The following AGMO variants were observed in gnomAD, a reference collection of about 807,000 sequenced individuals.
AGMO encodes the protein glyceryl-ether monooxygenase.
A neutral mutation model predicts 60.2 loss-of-function variants in AGMO; 75 were observed. That is an observed-to-expected ratio of 1.25 (90% CI 1.03 to 1.51). The LOEUF is 1.51. Among genes scored for constraint, AGMO ranks in the 40% most tolerant of loss-of-function variants. AGMO has a pLI of 0.00. For missense variants in AGMO, 763 were observed against 525.5 expected, an observed-to-expected ratio of 1.45 and a Z score of -4.42; for synonymous variants, 261 against 177.1, an observed-to-expected ratio of 1.47 and a Z score of -3.76.
At chr7:15,452,116 A>T (rs914334968) in intron 3 of AGMO, among the ~76,000 whole-genome samples, 2 of 151,950 alleles carry the variant, frequency 1.3e-5, no homozygotes, top group Admixed American at 6.5e-5. Context: ...CTTTAACAAG[A>T]GATAAAACTA....
In AGMO at chr7:15,332,069, T is replaced by C. The variant is rs141021532; in HGVS notation, c.1263+33445A>G. ...AATGGAGACGAGTGAAATCATAAGA[T>C]GGAAGGAGCCTAGGTACCTAACAGA... is the stretch of plus-strand genomic sequence containing the variant. On this transcript the variant is annotated intron_variant, in intron 12 of 12. Coordinates refer to ENST00000342526, the MANE Select transcript of AGMO (RefSeq NM_001004320.2). Among the ~76,000 whole-genome samples, 539 of 152,206 alleles carry C rather than the reference T, an allele frequency of 3.5e-3. 2 individuals are homozygous for C. The highest frequency in any genetic ancestry group is 0.012 in the African/African-American group (500 of 41,530).
At chr7:15,505,696 T>C (rs1468724791) in intron 3 of AGMO, among the ~76,000 whole-genome samples, 1 of 152,024 alleles carries the variant, frequency 6.6e-6, no homozygotes, top group South Asian at 2.1e-4. Context: ...CAAACTAATG[T>C]TAAATTCCCA....
intron 12 of AGMO, among the ~76,000 whole-genome samples, chr7:15,238,575 A>T (rs946836079): frequency 2.0e-5 from 3 of 150,930 alleles, no homozygotes; most frequent in African/African-American, 7.3e-5. Context: ...AAATAATTTT[A>T]AAAATTTTAA....
chr7:15,254,596 T>C (rs930787476), intron 12 of AGMO, among the ~76,000 whole-genome samples: 7 of 152,190 alleles, frequency 4.6e-5, no homozygotes, highest in African/African-American at 1.7e-4. Flanking sequence ...GCAATTGAGA[T>C]GCTTGAGTTC....
intron 12 of AGMO, among the ~76,000 whole-genome samples, chr7:15,301,564 AC>A (rs1358132450): frequency 6.6e-6 from 1 of 152,152 alleles, no homozygotes; most frequent in Non-Finnish European, 1.5e-5. Flanking sequence ...TAAAACCAAT[AC>A]AATAAGTGGT....
intron 12 of AGMO, among the ~76,000 whole-genome samples, chr7:15,305,452 C>G (rs1780585086): frequency 6.6e-6 from 1 of 151,894 alleles, no homozygotes; most frequent in African/African-American, 2.4e-5. Flanking sequence ...GATCAAAGTT[C>G]AACATGTTGC....
intron 12 of AGMO, among the ~76,000 whole-genome samples, chr7:15,288,878 CTT>C (rs951532884): frequency 1.7e-4 from 26 of 151,020 alleles, no homozygotes; most frequent in East Asian, 5.8e-4. Context: ...TATATACACT[CTT>C]ATCTCTTTAA....
the AGMO span, among the ~76,000 whole-genome samples, chr7:15,155,080 G>A: frequency 1.3e-5 from 2 of 152,074 alleles, no homozygotes; most frequent in African/African-American, 4.8e-5. Context: ...GTGTCTTGGG[G>A]ATGGTTATAT....
At chr7:15,151,484 T>C in the AGMO span, among the ~76,000 whole-genome samples, 1,056 of 152,278 alleles carry the variant, frequency 6.9e-3, 15 homozygotes, top group African/African-American at 0.024. Flanking sequence ...GCTTTTGCAG[T>C]ATCTAAGAGA....
At chr7:15,394,815 T>C (rs774911893) in intron 5 of AGMO, among the ~76,000 whole-genome samples, 1 of 152,186 alleles carries the variant, frequency 6.6e-6, no homozygotes, top group Non-Finnish European at 1.5e-5. Context: ...AATCATCTCT[T>C]ACCTTTAGAG....
At chr7:15,482,255 C>G (rs1782775619) in intron 3 of AGMO, among the ~76,000 whole-genome samples, 1 of 151,806 alleles carries the variant, frequency 6.6e-6, no homozygotes, top group Admixed American at 6.6e-5. Context: ...AAAATCAGTG[C>G]ACCACTAACA....
the AGMO span, among the ~76,000 whole-genome samples, chr7:15,121,397 ACT>A: frequency 6.6e-6 from 1 of 152,180 alleles, no homozygotes; most frequent in Non-Finnish European, 1.5e-5. Context: ...GAATCACCAC[ACT>A]GTCTTCCACA....
the AGMO span, among the ~76,000 whole-genome samples, chr7:15,173,452 A>G: frequency 3.9e-5 from 6 of 152,158 alleles, no homozygotes; most frequent in Non-Finnish European, 7.4e-5. Context: ...TGATTTCTTA[A>G]ATAGTATGAG....
chr7:15,557,378 A>T (rs1374848211), intron 2 of AGMO, among the ~76,000 whole-genome samples: 1 of 152,084 alleles, frequency 6.6e-6, no homozygotes, highest in Non-Finnish European at 1.5e-5. Flanking sequence ...AGTGTAGAAA[A>T]TGAAATTAGT....
chr7:15,548,806 A>T (rs1476827410), intron 2 of AGMO, among the ~76,000 whole-genome samples: 1 of 152,180 alleles, frequency 6.6e-6, no homozygotes, highest in Non-Finnish European at 1.5e-5. Context: ...GTTTCAGGAA[A>T]TACAGAGAAC....
intron 3 of AGMO, among the ~76,000 whole-genome samples, chr7:15,451,137 G>T (rs1485131612): frequency 6.6e-6 from 1 of 151,868 alleles, no homozygotes; most frequent in Non-Finnish European, 1.5e-5. Flanking sequence ...TTTTAGCTGG[G>T]TTTCTGTAGC....
At chr7:15,198,217 G>A (rs1387704111), downstream of AGMO, among the ~76,000 whole-genome samples, 1 of 99,110 alleles carries the variant, frequency 1.0e-5, no homozygotes, top group African/African-American at 5.9e-5. Flanking sequence ...GAGAGAGAGA[G>A]AGAGAGAGAG....
chr7:15,459,401 T>TATAA (rs1436454435), intron 3 of AGMO, among the ~76,000 whole-genome samples: 4 of 152,136 alleles, frequency 2.6e-5, no homozygotes, highest in Admixed American at 2.6e-4. Context: ...GATGGCCTTT[T>TATAA]TGCAAGGCCT....
chr7:15,512,838 TC>T (rs1783709788), intron 3 of AGMO, among the ~76,000 whole-genome samples: 1 of 152,108 alleles, frequency 6.6e-6, no homozygotes, highest in Non-Finnish European at 1.5e-5. Context: ...ATCTTTTTTT[TC>T]CTTTTTCCTT....
Sources: gnomAD v4.1 joint callset for allele counts (sites outside exome capture counted in the v4.1 genomes callset) on GRCh38, gnomAD v4.1.1 for gene constraint, MANE v1.5 for transcripts, NCBI Gene and HGNC (gene_info 2026-07-23, HGNC 2026-07-21) for gene names.